Variants in OAS2 observed in about 807,000 individuals in gnomAD.
OAS2 encodes the protein 2'-5'-oligoadenylate synthetase 2.
Under a neutral mutation model 71.3 loss-of-function variants are expected in OAS2, and 67 were observed. That is an observed-to-expected ratio of 0.94 (90% CI 0.77 to 1.15). The LOEUF is 1.15. Ranked by LOEUF, OAS2 falls within the 50% of genes most tolerant of loss-of-function variation. The pLI is 0.00. For missense variants in OAS2, 789 were observed against 822.5 expected (o/e 0.96, Z 0.50); for synonymous variants, 327 against 321.8 (o/e 1.02, Z -0.17).
At chr12:112,993,455 G>A (rs907501951) in intron 2 of OAS2, among the ~76,000 whole-genome samples, 2 of 152,292 alleles carry the variant, frequency 1.3e-5, no homozygotes, top group Non-Finnish European at 2.9e-5. Flanking sequence ...TCATTATGGG[G>A]GAAGATAGAA....
At chr12:113,002,479 G>T (rs938669956) in intron 5 of OAS2, among the ~76,000 whole-genome samples, 2 of 152,200 alleles carry the variant, frequency 1.3e-5, no homozygotes, top group Non-Finnish European at 2.9e-5. Context: ...CGTGTTTAAC[G>T]CAGGCTGATA....
chr12:112,988,858 G>A (rs2044165004), intron 2 of OAS2: 1 of 457,946 alleles, frequency 2.2e-6, no homozygotes, highest in African/African-American at 2.1e-5. Context: ...ACCCTCTCTT[G>A]GGATCTGAAT....
intron 1 of OAS2, among the ~76,000 whole-genome samples, chr12:112,981,602 T>G (rs1279274950): frequency 6.6e-6 from 1 of 152,176 alleles, no homozygotes; most frequent in African/African-American, 2.4e-5. Flanking sequence ...CCCATGCTGC[T>G]TTGGTTACTA....
rs1593199069 is a variant in OAS2 at position 112,992,331 on chromosome 12, C to A, written c.449-2965C>A. On this transcript the variant is annotated intron_variant, in intron 2 of 9. Coordinates refer to ENST00000392583, the MANE Select transcript of OAS2 (RefSeq NM_002535.3). ...ACTTGAGCACAGGAGTTCAAGGTTG[C>A]AGTGAGCTATTATTACACCACTATA... 4.0e-5 allele frequency among the ~76,000 whole-genome samples: 6 copies of A among 149,262 alleles called. 1 individual carries two copies. The Admixed American group carries it at 4.1e-4, about 10-fold the overall frequency.
At chr12:113,001,447 T>TGC (rs1322372749) in intron 5 of OAS2, among the ~76,000 whole-genome samples, 1 of 72,678 alleles carries the variant, frequency 1.4e-5, no homozygotes, top group Admixed American at 1.6e-4. Context: ...TACACATATA[T>TGC]ACATATATAC....
rs781694968 is a variant in OAS2 at position 112,978,658 on chromosome 12, G to A, written c.50G>A (p.Gly17Asp). Residue 17 changes from glycine (G) to aspartate (D), a missense_variant, in exon 1 of 10, where the codon GGT becomes GAT. Physicochemically the swap from Gly to Asp is moderately conservative, Grantham distance 94 (BLOSUM62 -1). Transcript: ENST00000392583. This position sits in a 1 kb window ranked among gnomAD's most constrained non-coding sequence, Gnocchi z 4.2. Reference protein sequence around the residue: ...QLSSVPAQKLGWFIQEYLKPY... With the variant: ...QLSSVPAQKLDWFIQEYLKPY... ...TCCTCGGTGCCTGCTCAGAAGCTGG[G>A]TTGGTTTATCCAGGAATACCTGAAG... 5 of 1,614,068 alleles carry A rather than the reference G, an allele frequency of 3.1e-6. No individual in the cohort carries two copies. The highest frequency in any genetic ancestry group is 3.4e-6 in the Non-Finnish European group (4 of 1,180,032).
chr12:113,008,015 C>T, intron 9 of OAS2, 72 bp downstream of exon 9: 1 of 1,105,032 alleles, frequency 9.0e-7, no homozygotes, highest in African/African-American at 1.5e-5. Context: ...CCTGGATTTT[C>T]CTCTGCTGGG....
At chr12:113,000,532 T>TCA (rs10633848) in intron 5 of OAS2, among the ~76,000 whole-genome samples, 81,586 of 149,582 alleles carry the variant, frequency 0.55, 22,344 homozygotes, top group African/African-American at 0.63. Context: ...ACACACACAC[T>TCA]CACACATGCA....
Position 113,010,256 on chromosome 12 carries a change from G to T in OAS2, c.*1001G>T. On this transcript the variant is annotated 3_prime_UTR_variant, in exon 10 of 10. Transcript: ENST00000392583. ...CATTATAAATAAATACCAAAAAATT[G>T]TCTCTGGCAATAGTTACCTTCCCAG... is the stretch of plus-strand genomic sequence containing the variant. 4 of 1,474,438 alleles carry T rather than the reference G, an allele frequency of 2.7e-6. No homozygotes were observed. The East Asian group carries it at 9.5e-5, about 35-fold the overall frequency. The allele number at this position is 1,474,438 out of a possible 1,614,324, so 91.3% of individuals were successfully genotyped here. A position where few individuals can be genotyped will look rare whatever the true frequency, so the allele number is the denominator to read the frequency against.
At chr12:113,002,298 T>C in intron 5 of OAS2, among the ~76,000 whole-genome samples, 1 of 152,212 alleles carries the variant, frequency 6.6e-6, no homozygotes, top group East Asian at 1.9e-4. Context: ...AATCCTCCCA[T>C]CTCTAGAGAC....
intron 2 of OAS2, among the ~76,000 whole-genome samples, chr12:112,991,279 C>A (rs1343926159): frequency 6.6e-6 from 1 of 152,248 alleles, no homozygotes; most frequent in African/African-American, 2.4e-5. Context: ...TCCACATGCT[C>A]CAGTAGCAAT....
intron 2 of OAS2, among the ~76,000 whole-genome samples, chr12:112,992,125 T>A (rs1484260150): frequency 6.6e-6 from 1 of 151,958 alleles, no homozygotes; most frequent in Non-Finnish European, 1.5e-5. Flanking sequence ...CTGGGCACAG[T>A]GGTTCTTGCC....
At position 113,010,515 on chromosome 12, in the gene OAS2, G is replaced by C; in HGVS notation, c.*1260G>C. 1 of 1,606,312 alleles carries C rather than the reference G, an allele frequency of 6.2e-7. No individual in the cohort carries two copies. The highest frequency in any genetic ancestry group is 8.5e-7 in the Non-Finnish European group (1 of 1,177,910). ...ATCTGGCAATCGCTTTTAAAGACTC[G>C]GCTCACCGTGAGAAAGAGTCACTCA... is the stretch of plus-strand genomic sequence containing the variant. On this transcript the variant is annotated 3_prime_UTR_variant, in exon 10 of 10. Coordinates refer to ENST00000392583, the MANE Select transcript of OAS2 (RefSeq NM_002535.3).
At position 113,009,099 on chromosome 12, in the gene OAS2, G is replaced by C. The variant is rs748418146; in HGVS notation, c.1908G>C (p.Leu636Phe). Residue 636 changes from leucine to phenylalanine, a missense_variant, in exon 10 of 10, where the codon TTG becomes TTC. Physicochemically the swap from Leu to Phe is conservative, Grantham distance 22 (BLOSUM62 0). Coordinates refer to ENST00000392583, the MANE Select transcript of OAS2 (RefSeq NM_002535.3). ...SQLQKTRPVILDPAEPTGDVG... is the reference protein window; with the variant it reads ...SQLQKTRPVIFDPAEPTGDVG... Reference sequence around the variant, plus strand: ...ACCTCTCATTCAGGCCTGTGATCTTGGACCCAGCCGAACCCACAGGTGACG... The same window carrying C: ...ACCTCTCATTCAGGCCTGTGATCTTCGACCCAGCCGAACCCACAGGTGACG... 6.2e-7 allele frequency: 1 copy of C among 1,613,424 alleles called. No individual in the cohort carries two copies. Among genetic ancestry groups the C allele is most frequent in the East Asian group, 2.2e-5 (1 of 44,884 alleles).
chr12:112,987,885 C>T (rs957548911), intron 2 of OAS2: 12 of 985,648 alleles, frequency 1.2e-5, no homozygotes, highest in African/African-American at 8.7e-5. Context: ...AAGACCTGCC[C>T]ACCTCTTGTG....
chr12:113,004,499 A>G (rs191070374), intron 6 of OAS2, among the ~76,000 whole-genome samples: 66 of 152,320 alleles, frequency 4.3e-4, no homozygotes, highest in East Asian at 5.8e-4. Context: ...CTGTACCTCA[A>G]TTATGGATAT....
chr12:112,990,442 G>A (rs2044180615), intron 2 of OAS2, among the ~76,000 whole-genome samples: 1 of 152,204 alleles, frequency 6.6e-6, no homozygotes. Context: ...AAGAAAAGGG[G>A]AGTTGTGGAA....
At chr12:113,001,668 C>A (rs2044292062) in intron 5 of OAS2, among the ~76,000 whole-genome samples, 1 of 151,284 alleles carries the variant, frequency 6.6e-6, no homozygotes, top group Non-Finnish European at 1.5e-5. Flanking sequence ...CAACATCACA[C>A]CACCTAACTC....
chr12:112,983,321 G>A (rs1043220232), intron 1 of OAS2, among the ~76,000 whole-genome samples: 5 of 152,104 alleles, frequency 3.3e-5, no homozygotes, highest in African/African-American at 1.2e-4. Context: ...TGCCCCCTGG[G>A]TTCAAGTGAT....
Sources: gnomAD v4.1 joint callset for allele counts (sites outside exome capture counted in the v4.1 genomes callset) on GRCh38, gnomAD v4.1.1 for gene constraint, Gnocchi (gnomAD v3.1) non-coding constraint, MANE v1.5 for transcripts, NCBI Gene and HGNC (gene_info 2026-07-23, HGNC 2026-07-21) for gene names.